GALNT13: variants seen among roughly 807,000 people sequenced by gnomAD.
The protein encoded by GALNT13 is polypeptide N-acetylgalactosaminyltransferase 13.
A neutral mutation model predicts 64.2 loss-of-function variants in GALNT13; 28 were observed. That is an observed-to-expected ratio of 0.44 (90% CI 0.32 to 0.60). GALNT13 has a LOEUF of 0.60. GALNT13 is among the 20% of genes least tolerant of loss of function. The pLI is 0.05. For synonymous variants in GALNT13, 214 were observed against 224.6 expected (o/e 0.95, Z 0.42); for missense variants, 577 against 669.8 (o/e 0.86, Z 1.53).
At chr2:153,731,888 G>C in the GALNT13 span, among the ~76,000 whole-genome samples, 2 of 151,820 alleles carry the variant, frequency 1.3e-5, no homozygotes, top group African/African-American at 4.8e-5. Flanking sequence ...GTGTTGTTTT[G>C]TTTGTTTTAT....
the GALNT13 span, among the ~76,000 whole-genome samples, chr2:153,660,514 G>A: frequency 6.6e-6 from 1 of 151,082 alleles, no homozygotes; most frequent in African/African-American, 2.4e-5. Context: ...AAAAGCTTAG[G>A]AAGGGGAGCA....
chr2:153,538,362 AT>A, the GALNT13 span, among the ~76,000 whole-genome samples: 2 of 60,008 alleles, frequency 3.3e-5, no homozygotes, highest in African/African-American at 1.4e-4. Flanking sequence ...ATTTATTTTT[AT>A]TTTATTTATT....
the GALNT13 span, among the ~76,000 whole-genome samples, chr2:153,279,434 T>C: frequency 5.9e-5 from 9 of 152,300 alleles, no homozygotes; most frequent in Admixed American, 5.9e-4. Context: ...CCTTGTCTTG[T>C]TCCAGTTCTC....
chr2:154,327,231 C>T (rs778518400), intron 9 of GALNT13, among the ~76,000 whole-genome samples: 10 of 152,012 alleles, frequency 6.6e-5, no homozygotes, highest in South Asian at 2.1e-4. Context: ...TTGTGAAGGT[C>T]GCCTTTGCCT....
intron 2 of GALNT13, among the ~76,000 whole-genome samples, chr2:153,908,925 C>T (rs551625157): frequency 6.6e-6 from 1 of 151,984 alleles, no homozygotes; most frequent in Middle Eastern, 3.4e-3. Context: ...TCTAGTTCTG[C>T]CAATAATGTT....
At chr2:153,802,746 G>A in the GALNT13 span, among the ~76,000 whole-genome samples, 4 of 152,188 alleles carry the variant, frequency 2.6e-5, no homozygotes, top group African/African-American at 9.7e-5. Flanking sequence ...CCACAAATTT[G>A]TATTCCAAGG....
intron 3 of GALNT13, among the ~76,000 whole-genome samples, chr2:153,958,331 A>G (rs541277311): frequency 6.6e-6 from 1 of 152,304 alleles, no homozygotes; most frequent in South Asian, 2.1e-4. Context: ...GTTGCCTGGA[A>G]GTAACATGAG....
chr2:153,559,507 G>T, the GALNT13 span, among the ~76,000 whole-genome samples: 1 of 152,064 alleles, frequency 6.6e-6, no homozygotes, highest in African/African-American at 2.4e-5. Flanking sequence ...ATACAGAGAG[G>T]ACTGGACTGA....
At chr2:153,072,040 C>G in the GALNT13 span, among the ~76,000 whole-genome samples, 3 of 152,140 alleles carry the variant, frequency 2.0e-5, no homozygotes, top group Non-Finnish European at 4.4e-5. Context: ...GCATTTTTAC[C>G]TCCTTTACTG....
chr2:154,206,555 G>A (rs1687467347), intron 4 of GALNT13, among the ~76,000 whole-genome samples: 1 of 151,896 alleles, frequency 6.6e-6, no homozygotes, highest in Admixed American at 6.6e-5. Flanking sequence ...AGCACTTTGG[G>A]AGGCCAAAGC....
chr2:153,677,082 A>G, the GALNT13 span, among the ~76,000 whole-genome samples: 1 of 152,106 alleles, frequency 6.6e-6, no homozygotes, highest in Admixed American at 6.6e-5. Flanking sequence ...AGAGGAAGTC[A>G]AACTATCTCT....
the GALNT13 span, among the ~76,000 whole-genome samples, chr2:153,086,989 G>A: frequency 1.3e-5 from 2 of 152,050 alleles, no homozygotes; most frequent in African/African-American, 4.8e-5. Context: ...TCTCTTGTCT[G>A]ATTGCTCTGG....
At chr2:153,718,752 T>C in the GALNT13 span, among the ~76,000 whole-genome samples, 1 of 152,204 alleles carries the variant, frequency 6.6e-6, no homozygotes, top group Admixed American at 6.5e-5. Flanking sequence ...CTCATCTATG[T>C]GTTGTTAAGA....
At chr2:153,963,221 C>T (rs1460355993) in intron 3 of GALNT13, among the ~76,000 whole-genome samples, 3 of 152,176 alleles carry the variant, frequency 2.0e-5, no homozygotes, top group Non-Finnish European at 4.4e-5. Context: ...ACAGAGGTCT[C>T]ACTATCTAAA....
the GALNT13 span, among the ~76,000 whole-genome samples, chr2:153,360,790 G>A: frequency 6.6e-6 from 1 of 152,126 alleles, no homozygotes; most frequent in African/African-American, 2.4e-5. Flanking sequence ...TCTTTCTAAG[G>A]AGTCTAGTTC....
intron 3 of GALNT13, among the ~76,000 whole-genome samples, chr2:153,965,102 A>G (rs1693239469): frequency 6.6e-6 from 1 of 152,206 alleles, no homozygotes; most frequent in Admixed American, 6.5e-5. Context: ...TTTATGAGGT[A>G]CATGTGATAT....
chr2:154,003,746 G>A (rs563735191), intron 3 of GALNT13, among the ~76,000 whole-genome samples: 67 of 152,164 alleles, frequency 4.4e-4, no homozygotes, highest in African/African-American at 1.4e-3. Flanking sequence ...AATATCTCTC[G>A]ATGCTGTTTT....
chr2:153,219,524 A>G, the GALNT13 span, among the ~76,000 whole-genome samples: 5 of 152,212 alleles, frequency 3.3e-5, no homozygotes, highest in Admixed American at 3.3e-4. Context: ...TCTGCACTGC[A>G]GGTGATTTAA....
At chr2:153,983,533 A>C (rs116542241) in intron 3 of GALNT13, among the ~76,000 whole-genome samples, 1 of 152,020 alleles carries the variant, frequency 6.6e-6, no homozygotes, top group African/African-American at 2.4e-5. Flanking sequence ...TGGTAAAGTG[A>C]ATCTATGACA....
Sources: allele counts gnomAD v4.1 joint callset (sites outside exome capture counted in the v4.1 genomes callset), GRCh38; gene constraint gnomAD v4.1.1; transcripts MANE v1.5; gene names NCBI Gene and HGNC (gene_info 2026-07-23, HGNC 2026-07-21).